Variants in EPB41L1 observed in about 807,000 individuals in gnomAD.
The protein encoded by EPB41L1 is erythrocyte membrane protein band 4.1 like 1.
A neutral mutation model predicts 97.8 loss-of-function variants in EPB41L1; 29 were observed. The observed-to-expected ratio is 0.30, with a 90% CI of 0.22 to 0.40. EPB41L1 has a LOEUF of 0.40. Among genes scored for constraint, EPB41L1 ranks in the 10% least tolerant of loss-of-function variants. The pLI is 1.00. For missense variants in EPB41L1, 812 were observed against 1,162.3 expected (o/e 0.70, Z 4.38); for synonymous variants, 383 against 459.2 (o/e 0.83, Z 2.12).
upstream of EPB41L1, among the ~76,000 whole-genome samples, chr20:36,150,075 T>G (rs1049068141): frequency 2.6e-5 from 4 of 152,016 alleles, no homozygotes; most frequent in Admixed American, 6.5e-5. Flanking sequence ...TTTTTGTTTT[T>G]TTTTTTTTTG....
intron 15 of EPB41L1, among the ~76,000 whole-genome samples, chr20:36,211,682 C>T (rs532084961): frequency 4.8e-4 from 73 of 152,084 alleles, no homozygotes; most frequent in Middle Eastern, 3.4e-3. Context: ...GGTGAAACCC[C>T]GTCTCTACTA....
At chr20:36,217,784 A>C (rs2063530580) in intron 17 of EPB41L1, among the ~76,000 whole-genome samples, 1 of 152,174 alleles carries the variant, frequency 6.6e-6, no homozygotes, top group Admixed American at 6.5e-5. Flanking sequence ...TGGCAGCCTC[A>C]GCAGGATGCA....
chr20:36,180,404 C>T (rs940561960), intron 5 of EPB41L1, among the ~76,000 whole-genome samples: 1 of 152,302 alleles, frequency 6.6e-6, no homozygotes, highest in South Asian at 2.1e-4. Flanking sequence ...AAGCTTTCCA[C>T]CCCTCTGGGC....
At chr20:36,158,436 G>C (rs1403790223) in intron 1 of EPB41L1, among the ~76,000 whole-genome samples, 1 of 152,180 alleles carries the variant, frequency 6.6e-6, no homozygotes, top group Non-Finnish European at 1.5e-5. Context: ...TGAAGGCCAA[G>C]TCGGATTTCG....
intron 13 of EPB41L1, 78 bp from the exon 14 acceptor site, chr20:36,197,781 G>C: frequency 6.2e-7 from 1 of 1,612,340 alleles, no homozygotes; most frequent in African/African-American, 1.3e-5. Context: ...GATGGTGACT[G>C]CTGCCATCAT....
At chr20:36,118,918 A>C (rs2058667971) in intron 2 of EPB41L1, among the ~76,000 whole-genome samples, 1 of 152,252 alleles carries the variant, frequency 6.6e-6, no homozygotes, top group African/African-American at 2.4e-5. Context: ...AGGCCTGGAA[A>C]GATGAAATGA....
At chr20:36,117,537 A>G (rs1472125706) in intron 2 of EPB41L1, among the ~76,000 whole-genome samples, 1 of 152,210 alleles carries the variant, frequency 6.6e-6, no homozygotes, top group Non-Finnish European at 1.5e-5. Context: ...GGGCTTTTCA[A>G]TTTATCATCT....
intron 17 of EPB41L1, among the ~76,000 whole-genome samples, chr20:36,216,844 G>A (rs993636031): frequency 1.1e-4 from 16 of 152,188 alleles, no homozygotes; most frequent in African/African-American, 3.6e-4. Flanking sequence ...TCAGGGTTAA[G>A]GGATGCCTGG....
chr20:36,112,389 C>T lies in EPB41L1; in HGVS notation c.-64-37C>T, dbSNP rs1374156445. Reference sequence around the variant, plus strand: ...CCAGCACATGCTGGGCTCATGAACTCCTGTTCTGAGGAGCTAACGCTGTTT... The same window carrying T: ...CCAGCACATGCTGGGCTCATGAACTTCTGTTCTGAGGAGCTAACGCTGTTT... On this transcript the variant is annotated intron_variant, in intron 1 of 19. Coordinates refer to the EPB41L1 transcript ENST00000202028. 3.3e-5 allele frequency: 5 copies of T among 152,238 alleles called. No individual in the cohort carries two copies. The East Asian group carries it at 9.6e-4, about 29-fold the overall frequency. The allele number at this position is 152,238 out of a possible 1,614,324, so 9.4% of individuals were successfully genotyped here.
At chr20:36,112,212 A>G (rs1032091001) in intron 1 of EPB41L1, among the ~76,000 whole-genome samples, 4 of 152,142 alleles carry the variant, frequency 2.6e-5, no homozygotes, top group Non-Finnish European at 4.4e-5. Context: ...TTGGCCTCCA[A>G]GGTCCTTCGC....
In EPB41L1 at chr20:36,185,254, A is replaced by G. The variant is rs1428568990; in HGVS notation, c.704A>G (p.Asn235Ser). 3.1e-6 allele frequency: 5 copies of G among 1,613,978 alleles called. No homozygotes were observed. Among genetic ancestry groups the G allele is most frequent in the African/African-American group, 2.7e-5 (2 of 75,060 alleles). Residue 235 changes from asparagine to serine, a missense_variant, in exon 7 of 22, where the codon AAC becomes AGC. Coordinates refer to ENST00000338074, the MANE Select transcript of EPB41L1 (RefSeq NM_012156.2). ...TATGATGCTGAGGAGCATGTGGGCA[A>G]CTATGTCAGCGAGCTCCGCTTCGCC... ...GDYDAEEHVGNYVSELRFAPN... is the reference protein window; with the variant it reads ...GDYDAEEHVGSYVSELRFAPN...
intron 14 of EPB41L1, among the ~76,000 whole-genome samples, chr20:36,203,048 CT>C (rs2062589367): frequency 6.6e-6 from 1 of 152,340 alleles, no homozygotes; most frequent in South Asian, 2.1e-4. Flanking sequence ...CGACGGTCCC[CT>C]GGCTCCAGAA....
chr20:36,154,364 G>A (rs111381277), upstream of EPB41L1, among the ~76,000 whole-genome samples: 79 of 152,232 alleles, frequency 5.2e-4, no homozygotes, highest in African/African-American at 1.9e-3. The surrounding 1 kb of genome is among the most constrained non-coding windows in gnomAD (Gnocchi z 5.5). Context: ...GCGAGAGCAA[G>A]GAGGCCCGGG....
At chr20:36,204,373 A>G (rs1364330561) in intron 14 of EPB41L1, among the ~76,000 whole-genome samples, 1 of 141,850 alleles carries the variant, frequency 7.0e-6, no homozygotes, top group Admixed American at 7.1e-5. Flanking sequence ...TTTTCTAACC[A>G]CCCTAGAAGT....
chr20:36,167,577 G>A (rs1479965798), intron 1 of EPB41L1, among the ~76,000 whole-genome samples: 6 of 151,804 alleles, frequency 4.0e-5, no homozygotes, highest in Non-Finnish European at 7.4e-5. Flanking sequence ...GCATGGTGGC[G>A]GGTGCCTGTA....
intron 1 of EPB41L1, among the ~76,000 whole-genome samples, chr20:36,158,002 A>G (rs2060380193): frequency 6.6e-6 from 1 of 152,204 alleles, no homozygotes; most frequent in Admixed American, 6.5e-5. Context: ...CCCAGTTTTA[A>G]GGGCTTCCAT....
At chr20:36,111,552 G>A (rs1402052934) in intron 1 of EPB41L1, among the ~76,000 whole-genome samples, 2 of 152,170 alleles carry the variant, frequency 1.3e-5, no homozygotes, top group African/African-American at 2.4e-5. Flanking sequence ...TTGGGAGGCC[G>A]AGGTGGGTGG....
rs546168761 is a variant in EPB41L1 at position 36,214,367 on chromosome 20, G to T, written c.2195G>T (p.Gly732Val). The T allele has an allele frequency of 4.3e-6, 7 of 1,613,676 alleles. No homozygotes were observed. Among genetic ancestry groups the T allele is most frequent in the Non-Finnish European group, 5.9e-6 (7 of 1,179,928 alleles). Reference protein sequence around the residue: ...SAMDNTQQVDGSASVGREFIA... With the variant: ...SAMDNTQQVDVSASVGREFIA... ...TCCTCCTCTGGTCAGCAGGTTGATG[G>T]GAGTGCCTCAGTGGGGAGGGAGTTC... is the stretch of plus-strand genomic sequence containing the variant. Residue 732 changes from glycine (G) to valine (V), a missense_variant, in exon 17 of 22, where the codon GGG (glycine) becomes GTG (valine). This residue lies in a region of EPB41L1 where 498 missense variants were observed against 622.7 expected (regional missense o/e 0.80). Coordinates refer to ENST00000338074, the MANE Select transcript of EPB41L1 (RefSeq NM_012156.2).
chr20:36,160,499 C>G (rs1323868429), intron 1 of EPB41L1, among the ~76,000 whole-genome samples: 1 of 151,896 alleles, frequency 6.6e-6, no homozygotes, highest in Non-Finnish European at 1.5e-5. Context: ...GCAAGAGAAT[C>G]TCTTGCACCC....
Sources: allele counts gnomAD v4.1 joint callset (sites outside exome capture counted in the v4.1 genomes callset), GRCh38; gene constraint gnomAD v4.1.1; regional missense constraint gnomAD v4.1.1; non-coding constraint Gnocchi (gnomAD v3.1); transcripts MANE v1.5; gene names NCBI Gene and HGNC (gene_info 2026-07-23, HGNC 2026-07-21).